Variants in ITIH3 observed in about 807,000 individuals in gnomAD.
The protein encoded by ITIH3 is inter-alpha-trypsin inhibitor heavy chain 3.
Under a neutral mutation model 96.5 loss-of-function variants are expected in ITIH3, and 81 were observed. That is an observed-to-expected ratio of 0.84 (90% confidence interval 0.70 to 1.01). The LOEUF (loss-of-function observed/expected upper bound fraction) is 1.01, where lower values mean the gene tolerates loss of function less well. Ranked by LOEUF, ITIH3 falls within the 50% of genes least tolerant of loss-of-function variation. The pLI is 0.00. For synonymous variants in ITIH3, 422 were observed against 445.2 expected (o/e 0.95, Z 0.66); for missense variants, 1,057 against 1,139.3 (o/e 0.93, Z 1.04).
chr3:52,803,299 TTTA>T (rs1183152888), intron 13 of ITIH3, among the ~76,000 whole-genome samples: 4 of 139,010 alleles, frequency 2.9e-5, no homozygotes, highest in African/African-American at 5.9e-5. Context: ...TATTTATTTA[TTTA>T]TTTATTTTAT....
chr3:52,803,782 A>C, intron 13 of ITIH3, 73 bp from the exon 14 acceptor site: 1 of 1,541,426 alleles, frequency 6.5e-7, no homozygotes, highest in African/African-American at 1.4e-5. Context: ...AGCTGTGTCC[A>C]CTGCTCCAGT....
intron 4 of ITIH3, 119 bp downstream of exon 4, chr3:52,796,962 T>C: frequency 8.2e-7 from 1 of 1,217,404 alleles, no homozygotes; most frequent in South Asian, 1.5e-5. Context: ...AATTTTGCCA[T>C]TATCCCACGT....
rs776067680 is a variant in ITIH3 at position 52,799,459 on chromosome 3, G to T, written c.877G>T (p.Gly293Cys). ...CGTGGCCTTTGTGATTGACATCAGC[G>T]GCTCCATGGCTGGTCGGAAATTAGA... is the stretch of plus-strand genomic sequence containing the variant. The part of the protein sequence containing the change: ...KNVAFVIDIS[G>C]SMAGRKLEQT... Residue 293 changes from glycine to cysteine, a missense_variant, in exon 8 of 22, where the codon GGC (glycine) becomes TGC (cysteine). Coordinates refer to ENST00000449956, the MANE Select transcript of ITIH3 (RefSeq NM_002217.4). 35 of 1,612,034 alleles carry T rather than the reference G, an allele frequency of 2.2e-5. No homozygotes were observed. The highest frequency in any genetic ancestry group is 2.9e-5 in the Non-Finnish European group (34 of 1,179,120).
intron 13 of ITIH3, among the ~76,000 whole-genome samples, 189 bp downstream of exon 13, chr3:52,802,995 G>A (rs1448016611): frequency 6.6e-6 from 1 of 152,250 alleles, no homozygotes; most frequent in Non-Finnish European, 1.5e-5. Context: ...AAGCTGGCAA[G>A]TCCCCTGGCC....
At position 52,804,019 on chromosome 3, in the gene ITIH3, G is replaced by A; in HGVS notation, c.1864+10G>A. 1 of 1,611,034 alleles carries A rather than the reference G, an allele frequency of 6.2e-7. No individual in the cohort carries two copies. Among genetic ancestry groups the A allele is most frequent in the Non-Finnish European group, 8.5e-7 (1 of 1,178,644 alleles). Reference sequence around the variant, plus strand: ...GACAAGCCTGGGGAAGGTGGGGATAGGGATGGAGGCCGGAACCCGGAGGCC... The same window carrying A: ...GACAAGCCTGGGGAAGGTGGGGATAAGGATGGAGGCCGGAACCCGGAGGCC... On this transcript the variant is annotated intron_variant, in intron 14 of 21. Transcript: ENST00000449956.
In ITIH3 at chr3:52,807,810, GGTC is replaced by G; in HGVS notation, c.2329_2331del (p.Val777del). 1.2e-6 allele frequency: 2 copies of G among 1,612,282 alleles called. No homozygotes were observed. Among genetic ancestry groups the G allele is most frequent in the Non-Finnish European group, 1.7e-6 (2 of 1,179,228 alleles). ...CCTTTGGAGATGGGGTTACCTTCGT[GGTC>G]GTCCTACACCAGGTGTGGAAGAAAC... On this transcript the variant is annotated inframe_deletion, in exon 20 of 22. Coordinates refer to ENST00000449956, the MANE Select transcript of ITIH3 (RefSeq NM_002217.4).
chr3:52,805,418 C>A, intron 15 of ITIH3: 1 of 1,056,912 alleles, frequency 9.5e-7, no homozygotes, highest in Non-Finnish European at 1.2e-6. Context: ...CGCCTGTGTG[C>A]ACGTGTGGGT....
intron 13 of ITIH3, 58 bp from the exon 14 acceptor site, chr3:52,803,797 G>A: frequency 3.8e-6 from 6 of 1,588,708 alleles, no homozygotes; most frequent in Non-Finnish European, 5.2e-6. Flanking sequence ...TCCAGTGCAG[G>A]GGAAGTGGGC....
chr3:52,803,713 G>C (rs1578759578), intron 13 of ITIH3, 142 bp from the exon 14 acceptor site: 1 of 854,844 alleles, frequency 1.2e-6, no homozygotes, highest in East Asian at 2.7e-5. Context: ...TCTTCTCTGA[G>C]CCCAACTGGG....
At chr3:52,796,702 G>T in intron 3 of ITIH3, 37 bp from the exon 4 acceptor site, 1 of 1,606,476 alleles carries the variant, frequency 6.2e-7, no homozygotes, top group East Asian at 2.2e-5. Flanking sequence ...GTCTGGCCCA[G>T]TGTGATCTCC....
In ITIH3 at chr3:52,801,116, T is replaced by A; in HGVS notation, c.1353T>A (p.Tyr451Ter). The A allele has an allele frequency of 6.3e-7, 1 of 1,592,252 alleles. No homozygotes were observed. The highest frequency in any genetic ancestry group is 1.2e-5 in the South Asian group (1 of 86,020). The change falls in exon 11 of 22, where the codon TAT becomes TAA. Residue 451 changes from tyrosine (Y) to a stop codon, truncating the protein, a stop_gained. Coordinates refer to ENST00000449956, the MANE Select transcript of ITIH3 (RefSeq NM_002217.4). LOFTEE classifies it high-confidence loss of function. ...LENHGFARRI[Y>*]EDSDADLQLQ... is the part of the protein sequence containing the mutation. Reference sequence around the variant, plus strand: ...ACCATGGGTTTGCCCGGCGCATTTATGAGGACTCTGATGCCGATTTGCAGT... The same window carrying A: ...ACCATGGGTTTGCCCGGCGCATTTAAGAGGACTCTGATGCCGATTTGCAGT...
At chr3:52,802,886 C>A (rs747399880) in intron 13 of ITIH3, 80 bp downstream of exon 13, 42 of 1,501,774 alleles carry the variant, frequency 2.8e-5, no homozygotes, top group Non-Finnish European at 3.5e-5. Context: ...GCAGTCCCAG[C>A]GGTCCTGCCC....
chr3:52,796,719 C>A lies in ITIH3; in HGVS notation c.282-20C>A, dbSNP rs1376346493. On this transcript the variant is annotated intron_variant, in intron 3 of 21. Transcript: ENST00000449956. ...CTGGCCCAGTGTGATCTCCCTACCC[C>A]CAACTCTCTTTCCCTGCAGGACCAT... The A allele has an allele frequency of 6.2e-7, 1 of 1,608,298 alleles. No individual in the cohort carries two copies. Among genetic ancestry groups the A allele is most frequent in the South Asian group, 1.1e-5 (1 of 89,820 alleles).
chr3:52,800,645 G>C lies in ITIH3; in HGVS notation c.1183G>C (p.Asp395His). 6.3e-7 allele frequency: 1 copy of C among 1,597,064 alleles called. No individual in the cohort carries two copies. Among genetic ancestry groups the C allele is most frequent in the East Asian group, 2.3e-5 (1 of 44,216 alleles). ...RSTSIVIMLT[D>H]GDANVGESRP... is the part of the protein sequence containing the mutation. Reference sequence around the variant, plus strand: ...CACCTCCATTGTCATCATGCTGACTGATGGGGATGCCAATGTTGGTGAGGA... The same window carrying C: ...CACCTCCATTGTCATCATGCTGACTCATGGGGATGCCAATGTTGGTGAGGA... The change falls in exon 10 of 22, where the codon GAT becomes CAT. Residue 395 changes from aspartate to histidine, a missense_variant. By Grantham distance (81) the Asp-to-His change is moderately conservative. Coordinates refer to ENST00000449956, the MANE Select transcript of ITIH3 (RefSeq NM_002217.4).
In ITIH3 at chr3:52,799,086, G is replaced by A. The variant is rs767022370; in HGVS notation, c.784G>A (p.Val262Met). The A allele has an allele frequency of 4.5e-5, 72 of 1,613,306 alleles. 1 individual carries two copies. The South Asian group carries it at 7.2e-4, about 16-fold the overall frequency. The change falls in exon 7 of 22, where the codon GTG becomes ATG. Residue 262 changes from valine (V) to methionine (M), a missense_variant. Physicochemically the swap from Val to Met is conservative, Grantham distance 21. Transcript: ENST00000449956. ...CGTGAACAGAGAATCTCCTGGCAAC[G>A]TGCAGGTACCCGGGCTGGCTGATTC... ...YDVNRESPGN[V>M]QIVNGYFVHF...
chr3:52,796,762 C>T lies in ITIH3; in HGVS notation c.305C>T (p.Pro102Leu). The T allele has an allele frequency of 6.2e-7, 1 of 1,612,852 alleles. No homozygotes were observed. The highest frequency in any genetic ancestry group is 8.5e-7 in the Non-Finnish European group (1 of 1,179,408). ...FTLTIDGVTYPGNVKEKEVAK... is the reference protein window; with the variant it reads ...FTLTIDGVTYLGNVKEKEVAK... ...AGGACCATCGACGGTGTTACCTACC[C>T]TGGGAATGTCAAGGAGAAGGAAGTT... The change falls in exon 4 of 22, where the codon CCT becomes CTT. Residue 102 changes from proline (P) to leucine (L), a missense_variant. Physicochemically the swap from Pro to Leu is moderately conservative, Grantham distance 98. Coordinates refer to ENST00000449956, the MANE Select transcript of ITIH3 (RefSeq NM_002217.4).
chr3:52,805,291 C>A, intron 15 of ITIH3: 1 of 1,008,882 alleles, frequency 9.9e-7, no homozygotes, highest in African/African-American at 1.7e-5. Context: ...TACTGGCCTG[C>A]CCCACCTCCA....
chr3:52,806,414 T>C lies in ITIH3; in HGVS notation c.2056+8T>C, dbSNP rs749859583. The C allele has an allele frequency of 6.2e-6, 10 of 1,607,648 alleles. No individual in the cohort carries two copies. Among genetic ancestry groups the C allele is most frequent in the Middle Eastern group, 1.7e-4 (1 of 6,020 alleles). ...TTCAGGATGCAGTCACAGGTGAGGC[T>C]TGTGGGCTAGGGCCGGGGCCAGGGG... is the stretch of plus-strand genomic sequence containing the variant. On this transcript the variant is annotated splice_region_variant and intron_variant, in intron 18 of 21. Transcript: ENST00000449956.
At chr3:52,802,233 G>A in intron 11 of ITIH3, 101 bp from the exon 12 acceptor site, 2 of 1,218,062 alleles carry the variant, frequency 1.6e-6, no homozygotes, top group Non-Finnish European at 1.1e-6. Context: ...AACATTAGGA[G>A]CCATTAGGAC....
Sources: gnomAD v4.1 joint callset for allele counts (sites outside exome capture counted in the v4.1 genomes callset) on GRCh38, gnomAD v4.1.1 for gene constraint, MANE v1.5 for transcripts, NCBI Gene and HGNC (gene_info 2026-07-23, HGNC 2026-07-21) for gene names.